GXYLT1: variants seen among roughly 807,000 people sequenced by gnomAD.
GXYLT1 encodes glucoside xylosyltransferase 1, also known as glycosyltransferase 8 domain containing 3.
In GXYLT1, 29 loss-of-function variants were observed where a neutral mutation model predicts 54.0. The observed-to-expected ratio is 0.54, with a 90% confidence interval of 0.40 to 0.73. GXYLT1 has a LOEUF of 0.73. Ranked by LOEUF, GXYLT1 falls within the 30% of genes least tolerant of loss-of-function variation. The pLI, the probability that GXYLT1 is intolerant of heterozygous loss-of-function variation, is 0.00. For missense variants in GXYLT1, 490 were observed against 553.4 expected (o/e 0.89, Z 1.15); for synonymous variants, 176 against 204.1 (o/e 0.86, Z 1.17).
chr12:42,125,753 G>C (rs571184829), intron 2 of GXYLT1, among the ~76,000 whole-genome samples: 2 of 152,344 alleles, frequency 1.3e-5, no homozygotes, highest in South Asian at 4.1e-4. Flanking sequence ...AGTAGCTCAT[G>C]CCTGTAATCC....
intron 2 of GXYLT1, among the ~76,000 whole-genome samples, chr12:42,124,452 A>T (rs1335962074): frequency 6.6e-6 from 1 of 152,174 alleles, no homozygotes; most frequent in Admixed American, 6.5e-5. Context: ...GAGTTCATAA[A>T]ATAAACATTA....
At chr12:42,112,258 G>A (rs1364221137) in intron 3 of GXYLT1, among the ~76,000 whole-genome samples, 2 of 152,224 alleles carry the variant, frequency 1.3e-5, no homozygotes, top group East Asian at 3.9e-4. Context: ...CCAAAGGAAT[G>A]CAGCTCCTCA....
At chr12:42,105,348 TTCTAACTC>T (rs1335612383) in intron 5 of GXYLT1, among the ~76,000 whole-genome samples, 1 of 152,206 alleles carries the variant, frequency 6.6e-6, no homozygotes, top group South Asian at 2.1e-4. Context: ...TCAGCCACTG[TTCTAACTC>T]ATTTACTCCT....
At chr12:42,133,919 G>A (rs529060402) in intron 1 of GXYLT1, among the ~76,000 whole-genome samples, 32 of 152,184 alleles carry the variant, frequency 2.1e-4, no homozygotes, top group Middle Eastern at 6.8e-3. Flanking sequence ...AATGCTGGCC[G>A]GGCACAGTGG....
At chr12:42,138,759 G>A (rs1330609365) in intron 1 of GXYLT1, among the ~76,000 whole-genome samples, 1 of 152,132 alleles carries the variant, frequency 6.6e-6, no homozygotes, top group Non-Finnish European at 1.5e-5. Flanking sequence ...GCAGGGTATG[G>A]TGGCTCATGC....
chr12:42,102,786 C>A (rs536456502), intron 5 of GXYLT1, among the ~76,000 whole-genome samples: 1 of 151,836 alleles, frequency 6.6e-6, no homozygotes, highest in South Asian at 2.1e-4. Flanking sequence ...ACGGCAAATA[C>A]GATACTGCAA....
intron 4 of GXYLT1, among the ~76,000 whole-genome samples, chr12:42,109,276 C>A (rs1349967449): frequency 6.6e-6 from 1 of 152,116 alleles, no homozygotes; most frequent in African/African-American, 2.4e-5. Context: ...GACCTGGCAA[C>A]CTCTATTCCT....
At chr12:42,142,983 C>T (rs949255369) in intron 1 of GXYLT1, among the ~76,000 whole-genome samples, 1 of 152,086 alleles carries the variant, frequency 6.6e-6, no homozygotes, top group Non-Finnish European at 1.5e-5. Flanking sequence ...TAAAACTTAA[C>T]GTTTCAGTAA....
chr12:42,104,584 T>G (rs962369550), intron 5 of GXYLT1, among the ~76,000 whole-genome samples: 1 of 150,828 alleles, frequency 6.6e-6, no homozygotes, highest in African/African-American at 2.4e-5. Context: ...AAGTTTAAGA[T>G]CAACAGAATA....
intron 2 of GXYLT1, among the ~76,000 whole-genome samples, chr12:42,129,118 C>T (rs533858079): frequency 1.3e-5 from 2 of 152,146 alleles, no homozygotes; most frequent in African/African-American, 4.8e-5. Context: ...ACTGCCTTAT[C>T]GTATTCTTAT....
At chr12:42,144,399 G>A (rs2065668542) in intron 1 of GXYLT1, 27 bp downstream of exon 1, 1 of 1,346,274 alleles carries the variant, frequency 7.4e-7, no homozygotes, top group Non-Finnish European at 9.6e-7. Flanking sequence ...CGCCCGCCGC[G>A]TCCCCCACAC....
intron 3 of GXYLT1, among the ~76,000 whole-genome samples, chr12:42,112,272 G>T (rs1356037945): frequency 6.6e-6 from 1 of 152,192 alleles, no homozygotes; most frequent in Non-Finnish European, 1.5e-5. Context: ...CTCCTCACCA[G>T]CAATGGAACA....
At chr12:42,094,825 G>A (rs1040157835) in intron 7 of GXYLT1, among the ~76,000 whole-genome samples, 1 of 152,088 alleles carries the variant, frequency 6.6e-6, no homozygotes, top group Non-Finnish European at 1.5e-5. Flanking sequence ...ATTAAAGGGA[G>A]GAGAGGGCAA....
At chr12:42,090,074 T>C (rs149846723) in intron 7 of GXYLT1, among the ~76,000 whole-genome samples, 25 of 151,262 alleles carry the variant, frequency 1.7e-4, no homozygotes, top group East Asian at 1.2e-3. Flanking sequence ...GTGATTCAAA[T>C]CCCAGTGTTT....
At chr12:42,108,548 A>G (rs1038817843) in intron 4 of GXYLT1, among the ~76,000 whole-genome samples, 1 of 152,140 alleles carries the variant, frequency 6.6e-6, no homozygotes, top group Non-Finnish European at 1.5e-5. Flanking sequence ...ACCTACGTGA[A>G]GTATCTAAAA....
At chr12:42,114,408 G>A (rs1414792478) in intron 3 of GXYLT1, among the ~76,000 whole-genome samples, 1 of 151,954 alleles carries the variant, frequency 6.6e-6, no homozygotes, top group Admixed American at 6.6e-5. Flanking sequence ...AGAAAAGAGA[G>A]AAGAATCAAA....
At chr12:42,094,055 TA>T (rs34117278) in intron 7 of GXYLT1, among the ~76,000 whole-genome samples, 1,652 of 142,378 alleles carry the variant, frequency 0.012, 12 homozygotes, top group Non-Finnish European at 0.017. Flanking sequence ...ATTACAACTT[TA>T]AAAAAAAAAA....
chr12:42,087,203 C>A lies in GXYLT1; in HGVS notation c.*583G>T, dbSNP rs1322079943. On this transcript the variant is annotated 3_prime_UTR_variant, in exon 8 of 8. Coordinates refer to ENST00000398675, the MANE Select transcript of GXYLT1 (RefSeq NM_173601.2). ...CTTACACAGCTCAATTTTTAACATG[C>A]AGCTTACTTGTAATCTAAAAATAAT... 6.8e-6 allele frequency: 1 copy of A among 147,546 alleles called. No homozygotes were observed. The highest frequency in any genetic ancestry group is 2.5e-5 in the African/African-American group (1 of 40,084). The allele number at this position is 147,546 out of a possible 1,614,324, so 9.1% of individuals were successfully genotyped here.
chr12:42,133,809 T>C (rs954904189), intron 1 of GXYLT1, among the ~76,000 whole-genome samples: 1 of 152,116 alleles, frequency 6.6e-6, no homozygotes, highest in East Asian at 1.9e-4. Flanking sequence ...AGAATGTCAT[T>C]TCAGATACTG....
Sources: gnomAD v4.1 joint callset for allele counts (sites outside exome capture counted in the v4.1 genomes callset) on GRCh38, gnomAD v4.1.1 for gene constraint, MANE v1.5 for transcripts, NCBI Gene and HGNC (gene_info 2026-07-23, HGNC 2026-07-21) for gene names.